The following TTC33 variants were observed in gnomAD, a reference collection of about 807,000 sequenced individuals.
TTC33 encodes tetratricopeptide repeat protein 33.
Under a neutral mutation model 29.4 loss-of-function variants are expected in TTC33, and 24 were observed. The ratio of observed to expected loss-of-function variants is 0.82; its 90% confidence interval spans 0.59 to 1.15. The LOEUF (loss-of-function observed/expected upper bound fraction) is 1.15. TTC33 is among the 50% of genes most tolerant of loss of function. TTC33 has a pLI of 0.00. For synonymous variants in TTC33, 107 were observed against 100.3 expected, an observed-to-expected ratio of 1.07 and a Z score of -0.40; for missense variants, 286 against 310.4, an observed-to-expected ratio of 0.92 and a Z score of 0.59.
chr5:40,733,913 C>T (rs548209105), intron 2 of TTC33, among the ~76,000 whole-genome samples: 4 of 152,190 alleles, frequency 2.6e-5, no homozygotes, highest in Non-Finnish European at 5.9e-5. Flanking sequence ...GACATACACA[C>T]ACACACGTGT....
chr5:40,736,928 G>T (rs1033889201), intron 2 of TTC33, among the ~76,000 whole-genome samples: 1 of 152,104 alleles, frequency 6.6e-6, no homozygotes, highest in Non-Finnish European at 1.5e-5. Context: ...ATTTCTTGGG[G>T]GTTGGGTAGA....
chr5:40,733,819 C>G (rs1234960710), intron 2 of TTC33, among the ~76,000 whole-genome samples: 1 of 152,142 alleles, frequency 6.6e-6, no homozygotes, highest in Non-Finnish European at 1.5e-5. Flanking sequence ...ACGAAATAAA[C>G]TAAGAGGTTC....
intron 2 of TTC33, among the ~76,000 whole-genome samples, chr5:40,731,129 T>C (rs1742416260): frequency 6.6e-6 from 1 of 152,186 alleles, no homozygotes; most frequent in South Asian, 2.1e-4. Flanking sequence ...AATTTATTGA[T>C]GTATTCCTTC....
At chr5:40,719,948 C>T (rs1484988440) in intron 4 of TTC33, among the ~76,000 whole-genome samples, 5 of 152,164 alleles carry the variant, frequency 3.3e-5, no homozygotes, top group Admixed American at 3.3e-4. Flanking sequence ...AGACCTTTAT[C>T]AGATATATGA....
In TTC33 at chr5:40,715,886, T is replaced by C. The variant is rs1741986444; in HGVS notation, c.*259A>G. On this transcript the variant is annotated 3_prime_UTR_variant, in exon 5 of 5. Coordinates refer to ENST00000337702, the MANE Select transcript of TTC33 (RefSeq NM_012382.3). ...TGTCTTTAAAATGTATTCATTTACA[T>C]ATTCAGATTAAACTAAGTTTATTAA... 1 of 362,704 alleles carries C rather than the reference T, an allele frequency of 2.8e-6. No homozygotes were observed. The highest frequency in any genetic ancestry group is 4.9e-6 in the Non-Finnish European group (1 of 203,090). 22.5% of individuals were successfully genotyped at this position (362,704 alleles called of 1,614,324 possible).
At chr5:40,749,472 TAAAGA>T (rs1213303030) in intron 1 of TTC33, among the ~76,000 whole-genome samples, 3 of 151,780 alleles carry the variant, frequency 2.0e-5, no homozygotes, top group Non-Finnish European at 2.9e-5. Context: ...CCAAAAAACA[TAAAGA>T]AAAGAAAAGC....
At chr5:40,750,382 C>T (rs939442676) in intron 1 of TTC33, among the ~76,000 whole-genome samples, 3 of 151,974 alleles carry the variant, frequency 2.0e-5, no homozygotes, top group African/African-American at 7.3e-5. Flanking sequence ...CCAGCGAAAT[C>T]TCATCTCTAC....
chr5:40,737,278 C>G (rs1742573369), intron 2 of TTC33, among the ~76,000 whole-genome samples: 1 of 148,976 alleles, frequency 6.7e-6, no homozygotes, highest in African/African-American at 2.5e-5. Flanking sequence ...GCCGCCTGGG[C>G]AACAGAGTGA....
At chr5:40,731,606 T>A (rs1366357962) in intron 2 of TTC33, among the ~76,000 whole-genome samples, 2 of 152,098 alleles carry the variant, frequency 1.3e-5, no homozygotes, top group Non-Finnish European at 2.9e-5. Flanking sequence ...TAAGATCTCG[T>A]GAGAACTCAG....
intron 4 of TTC33, among the ~76,000 whole-genome samples, chr5:40,723,733 T>C (rs1742212539): frequency 6.6e-6 from 1 of 151,914 alleles, no homozygotes; most frequent in African/African-American, 2.4e-5. Flanking sequence ...GGCGTGGTGA[T>C]GGGCACCTGT....
chr5:40,729,593 T>C (rs923573528), intron 3 of TTC33, among the ~76,000 whole-genome samples: 1 of 152,212 alleles, frequency 6.6e-6, no homozygotes, highest in Non-Finnish European at 1.5e-5. Flanking sequence ...CCATCCTCAT[T>C]TTTAAGAAAA....
At chr5:40,734,941 CG>C (rs1468410239) in intron 2 of TTC33, among the ~76,000 whole-genome samples, 1 of 152,108 alleles carries the variant, frequency 6.6e-6, no homozygotes, top group Admixed American at 6.5e-5. Context: ...TCGGAATGGG[CG>C]GTCAAGAAAG....
chr5:40,717,740 G>A (rs76619233), intron 4 of TTC33, among the ~76,000 whole-genome samples: 3,708 of 152,302 alleles, frequency 0.024, 52 homozygotes, highest in East Asian at 0.064. Flanking sequence ...CTGGATAGAA[G>A]ATTCTCATGC....
intron 4 of TTC33, among the ~76,000 whole-genome samples, chr5:40,725,722 C>T (rs1032626824): frequency 2.6e-5 from 4 of 151,776 alleles, no homozygotes; most frequent in African/African-American, 9.7e-5. Context: ...CTTATGTATT[C>T]CTTTCTCACC....
intron 2 of TTC33, among the ~76,000 whole-genome samples, chr5:40,733,981 T>C (rs1390742646): frequency 6.6e-6 from 1 of 152,212 alleles, no homozygotes; most frequent in African/African-American, 2.4e-5. Flanking sequence ...TCAACTGCAC[T>C]GTCTTTTATT....
intron 4 of TTC33, 21 bp downstream of exon 4, chr5:40,728,324 A>G (rs1742342332): frequency 1.3e-6 from 2 of 1,531,068 alleles, no homozygotes; most frequent in African/African-American, 1.4e-5. Context: ...TTTCTGCATT[A>G]TAATAATCTG....
intron 2 of TTC33, among the ~76,000 whole-genome samples, chr5:40,738,439 A>AATAC (rs1742604087): frequency 8.3e-5 from 10 of 119,848 alleles, no homozygotes; most frequent in Non-Finnish European, 1.0e-4. Flanking sequence ...ATAAAATATA[A>AATAC]AATAAAATAC....
chr5:40,727,507 G>A lies in TTC33; in HGVS notation c.435+838C>T, dbSNP rs545860479. Among the ~76,000 whole-genome samples, 154 of 152,210 alleles carry A rather than the reference G, an allele frequency of 1.0e-3. 1 individual carries two copies. Among genetic ancestry groups the A allele is most frequent in the Admixed American group, 3.5e-3 (53 of 15,296 alleles). ...AGAGATGCATTAGGTACCAGTTTACGGTAAACATTACACAATGAGTATTTC... is the reference window on the plus strand; with the variant it reads ...AGAGATGCATTAGGTACCAGTTTACAGTAAACATTACACAATGAGTATTTC... On this transcript the variant is annotated intron_variant, in intron 4 of 4. Transcript: ENST00000337702.
rs752013149 is a variant in TTC33, at chr5:40,747,064, T to C, written c.-1-45A>G. On this transcript the variant is annotated intron_variant, in intron 1 of 4. Coordinates refer to ENST00000337702, the MANE Select transcript of TTC33 (RefSeq NM_012382.3). Reference sequence around the variant, plus strand: ...CAGCTTTAAAATTCTAACTTGATCTTTTTTTTTTTTTGAGATGGAGTCTCA... The same window carrying C: ...CAGCTTTAAAATTCTAACTTGATCTCTTTTTTTTTTTGAGATGGAGTCTCA... 16 of 1,275,566 alleles carry C rather than the reference T, an allele frequency of 1.3e-5. No individual in the cohort carries two copies. In the African/African-American group the frequency reaches 1.7e-4, roughly 13 times the overall value. The allele number at this position is 1,275,566 out of a possible 1,614,324, so 79.0% of individuals were successfully genotyped here.
Sources: gnomAD v4.1 joint callset for allele counts (sites outside exome capture counted in the v4.1 genomes callset) on GRCh38, gnomAD v4.1.1 for gene constraint, MANE v1.5 for transcripts, NCBI Gene and HGNC (gene_info 2026-07-23, HGNC 2026-07-21) for gene names.